Variants in PDZRN4 observed in about 807,000 individuals in gnomAD.
PDZRN4 encodes the protein PDZ domain-containing RING finger protein 4.
Under a neutral mutation model 99.0 loss-of-function variants are expected in PDZRN4, and 70 were observed. The observed-to-expected ratio is 0.71, with a 90% confidence interval of 0.58 to 0.86. PDZRN4 has a LOEUF of 0.86. PDZRN4 is among the 40% of genes least tolerant of loss of function. PDZRN4 has a pLI of 0.00. For synonymous variants in PDZRN4, 551 were observed against 501.6 expected, an observed-to-expected ratio of 1.10 and a Z score of -1.32; for missense variants, 1,474 against 1,331.2, an observed-to-expected ratio of 1.11 and a Z score of -1.67.
At chr12:41,448,033 C>A (rs911096825) in intron 3 of PDZRN4, among the ~76,000 whole-genome samples, 1 of 152,130 alleles carries the variant, frequency 6.6e-6, no homozygotes, top group Non-Finnish European at 1.5e-5. Context: ...ATCCTCACAA[C>A]TACTTCTTTC....
At chr12:41,434,220 G>A (rs1379696373) in intron 3 of PDZRN4, among the ~76,000 whole-genome samples, 1 of 152,094 alleles carries the variant, frequency 6.6e-6, no homozygotes, top group Non-Finnish European at 1.5e-5. Context: ...TGTCTATGTA[G>A]TGTTGCTCAC....
chr12:41,232,102 ATG>A (rs1025658999), intron 3 of PDZRN4, among the ~76,000 whole-genome samples: 3 of 39,234 alleles, frequency 7.6e-5, no homozygotes, highest in South Asian at 1.8e-3. Context: ...TTGCAAAGAC[ATG>A]TTGTAGAATG....
chr12:41,190,177 T>C (rs1950727448), intron 1 of PDZRN4, among the ~76,000 whole-genome samples: 1 of 152,192 alleles, frequency 6.6e-6, no homozygotes, highest in African/African-American at 2.4e-5. Context: ...TGCTCCACAC[T>C]GCCTCTAACT....
intron 5 of PDZRN4, among the ~76,000 whole-genome samples, chr12:41,521,087 A>AT (rs1307873832): frequency 1.3e-5 from 2 of 152,160 alleles, no homozygotes; most frequent in Non-Finnish European, 2.9e-5. Context: ...AGTAGAAGTT[A>AT]TTCACCAGCC....
chr12:41,517,398 T>G (rs1026609728), intron 5 of PDZRN4, among the ~76,000 whole-genome samples: 1 of 152,128 alleles, frequency 6.6e-6, no homozygotes, highest in African/African-American at 2.4e-5. Context: ...TGTGAAAGGT[T>G]GTGTTTAAGG....
chr12:41,441,023 G>A (rs1050194234), intron 3 of PDZRN4, among the ~76,000 whole-genome samples: 6 of 152,170 alleles, frequency 3.9e-5, no homozygotes, highest in Admixed American at 3.9e-4. Flanking sequence ...TAAATCTAAT[G>A]ACGTTTAAGC....
rs1422101597 is a variant in PDZRN4 at position 41,573,966 on chromosome 12, A to G, written c.*76A>G. ...CGGTAGAGTATGATTGCCTCGTTCAATGTGGCGTTTTTATATATATTTTGT... is the reference window on the plus strand; with the variant it reads ...CGGTAGAGTATGATTGCCTCGTTCAGTGTGGCGTTTTTATATATATTTTGT... On this transcript the variant is annotated 3_prime_UTR_variant, in exon 10 of 10. Transcript: ENST00000402685. 3.9e-6 allele frequency: 4 copies of G among 1,036,572 alleles called. No individual in the cohort carries two copies. Among genetic ancestry groups the G allele is most frequent in the African/African-American group, 1.6e-5 (1 of 63,200 alleles). The allele number at this position is 1,036,572 out of a possible 1,614,324, so 64.2% of individuals were successfully genotyped here.
chr12:41,453,207 G>A (rs990530608), intron 3 of PDZRN4, among the ~76,000 whole-genome samples: 8 of 152,084 alleles, frequency 5.3e-5, no homozygotes, highest in African/African-American at 1.9e-4. Context: ...CCCGCCCCTG[G>A]GGGAGTGAAT....
intron 3 of PDZRN4, among the ~76,000 whole-genome samples, chr12:41,486,916 T>C (rs1439509084): frequency 6.6e-6 from 1 of 152,142 alleles, no homozygotes; most frequent in African/African-American, 2.4e-5. Context: ...GCTTCTCTCC[T>C]TAGGTTCCAG....
intron 4 of PDZRN4, among the ~76,000 whole-genome samples, chr12:41,508,491 G>T (rs1396170483): frequency 6.6e-6 from 1 of 152,106 alleles, no homozygotes; most frequent in Admixed American, 6.6e-5. Context: ...CTTGCATCTG[G>T]CAGCCACTAA....
At chr12:41,208,879 GA>G (rs934274591) in intron 3 of PDZRN4, among the ~76,000 whole-genome samples, 6 of 150,864 alleles carry the variant, frequency 4.0e-5, no homozygotes, top group African/African-American at 1.5e-4. Context: ...ATTGTTAGGG[GA>G]AAAAAAAGAT....
At chr12:41,332,931 A>G (rs1195651520) in intron 3 of PDZRN4, among the ~76,000 whole-genome samples, 1 of 152,072 alleles carries the variant, frequency 6.6e-6, no homozygotes, top group Non-Finnish European at 1.5e-5. Flanking sequence ...GGATCCACCC[A>G]TTCCATCATT....
intron 3 of PDZRN4, among the ~76,000 whole-genome samples, chr12:41,384,627 T>A (rs1336655956): frequency 6.6e-6 from 1 of 152,188 alleles, no homozygotes; most frequent in Non-Finnish European, 1.5e-5. Flanking sequence ...ATACTATAAC[T>A]GTTGACTCTC....
intron 3 of PDZRN4, among the ~76,000 whole-genome samples, chr12:41,502,414 G>A (rs774895603): frequency 2.6e-5 from 4 of 152,098 alleles, no homozygotes; most frequent in Non-Finnish European, 5.9e-5. Context: ...CCTATGGTAT[G>A]CTTAAATCAA....
intron 3 of PDZRN4, among the ~76,000 whole-genome samples, chr12:41,271,069 T>C (rs748037442): frequency 6.6e-6 from 1 of 152,136 alleles, no homozygotes; most frequent in Non-Finnish European, 1.5e-5. Context: ...GCTTTTATAT[T>C]ATTTTTCATT....
chr12:41,384,662 C>G (rs1364113168), intron 3 of PDZRN4, among the ~76,000 whole-genome samples: 1 of 152,120 alleles, frequency 6.6e-6, no homozygotes, highest in Non-Finnish European at 1.5e-5. Flanking sequence ...TTGTGAGGCC[C>G]TTTTCTTAGC....
At chr12:41,224,349 T>C (rs1950978958) in intron 3 of PDZRN4, among the ~76,000 whole-genome samples, 1 of 152,194 alleles carries the variant, frequency 6.6e-6, no homozygotes, top group Admixed American at 6.5e-5. Context: ...GTGTGACATG[T>C]TATGAGCCAT....
chr12:41,261,584 G>A (rs1428556870), intron 3 of PDZRN4, among the ~76,000 whole-genome samples: 2 of 152,228 alleles, frequency 1.3e-5, no homozygotes, highest in Non-Finnish European at 1.5e-5. Context: ...CTGCCTCCCG[G>A]GTTCACGCCA....
intron 3 of PDZRN4, among the ~76,000 whole-genome samples, chr12:41,392,605 C>T (rs573319147): frequency 6.6e-6 from 1 of 152,304 alleles, no homozygotes; most frequent in East Asian, 1.9e-4. Context: ...CCTCCCCTTA[C>T]TTACATCCTA....
Sources: allele counts gnomAD v4.1 joint callset (sites outside exome capture counted in the v4.1 genomes callset), GRCh38; gene constraint gnomAD v4.1.1; transcripts MANE v1.5; gene names NCBI Gene and HGNC (gene_info 2026-07-23, HGNC 2026-07-21).